The following ADAMTS6 variants were observed in gnomAD, a reference collection of about 807,000 sequenced individuals.
ADAMTS6 encodes the protein ADAM metallopeptidase with thrombospondin type 1 motif 6.
Under a neutral mutation model 144.3 loss-of-function variants are expected in ADAMTS6, and 23 were observed. The observed-to-expected ratio is 0.16, with a 90% CI of 0.11 to 0.23. The LOEUF is 0.23. Ranked by LOEUF, ADAMTS6 falls within the 10% of genes least tolerant of loss-of-function variation. The pLI is 1.00. For synonymous variants in ADAMTS6, 444 were observed against 457.5 expected (o/e 0.97, Z 0.38); for missense variants, 999 against 1,379.6 (o/e 0.72, Z 4.37).
At chr5:65,253,036 C>T (rs1580193158) in intron 14 of ADAMTS6, among the ~76,000 whole-genome samples, 1 of 151,800 alleles carries the variant, frequency 6.6e-6, no homozygotes, top group African/African-American at 2.4e-5. Flanking sequence ...TACAGGCATG[C>T]ACCATCATGC....
chr5:65,299,405 TA>T (rs1281200107), intron 10 of ADAMTS6, among the ~76,000 whole-genome samples: 3 of 152,302 alleles, frequency 2.0e-5, no homozygotes, highest in African/African-American at 2.4e-5. Flanking sequence ...TTTCTTAACA[TA>T]GTTATACCTG....
intron 7 of ADAMTS6, among the ~76,000 whole-genome samples, chr5:65,421,892 T>C (rs1756077398): frequency 1.3e-5 from 2 of 152,106 alleles, no homozygotes; most frequent in Non-Finnish European, 1.5e-5. Flanking sequence ...CTTATGAAAA[T>C]TGGCCTAGGC....
chr5:65,223,748 T>C (rs138472406), intron 18 of ADAMTS6, among the ~76,000 whole-genome samples: 6 of 152,312 alleles, frequency 3.9e-5, no homozygotes, highest in African/African-American at 1.2e-4. Flanking sequence ...TCTTAGCTAT[T>C]GTGAATAATG....
At chr5:65,202,376 T>A (rs1387640794) in intron 20 of ADAMTS6, among the ~76,000 whole-genome samples, 1 of 152,200 alleles carries the variant, frequency 6.6e-6, no homozygotes, top group Non-Finnish European at 1.5e-5. Context: ...CTGGAGAGAA[T>A]TCCTATTACT....
chr5:65,157,014 A>G (rs1561229504), intron 24 of ADAMTS6, among the ~76,000 whole-genome samples: 1 of 152,346 alleles, frequency 6.6e-6, no homozygotes, highest in East Asian at 1.9e-4. Context: ...TTCTGGTGGG[A>G]ATGACTTTAC....
chr5:65,155,968 A>C (rs1314085629), intron 24 of ADAMTS6, among the ~76,000 whole-genome samples: 1 of 152,218 alleles, frequency 6.6e-6, no homozygotes, highest in Non-Finnish European at 1.5e-5. Context: ...TTGTCACTAT[A>C]TATTCCTCCT....
chr5:65,409,243 A>C (rs1754843888), intron 7 of ADAMTS6, among the ~76,000 whole-genome samples: 1 of 152,226 alleles, frequency 6.6e-6, no homozygotes. Context: ...CAAAACTGAT[A>C]GACCGCTAGC....
At chr5:65,300,632 T>A (rs1743268932) in intron 9 of ADAMTS6, among the ~76,000 whole-genome samples, 1 of 151,434 alleles carries the variant, frequency 6.6e-6, no homozygotes, top group Admixed American at 6.6e-5. Flanking sequence ...CTTTTTCTTT[T>A]TCTTTCTTTT....
At chr5:65,397,752 T>C (rs192250656) in intron 7 of ADAMTS6, among the ~76,000 whole-genome samples, 18 of 151,714 alleles carry the variant, frequency 1.2e-4, no homozygotes, top group Admixed American at 1.2e-3. Flanking sequence ...TGGCACATGC[T>C]TGTAGTCCCA....
At chr5:65,480,944 A>C (rs185370616) in intron 1 of ADAMTS6, among the ~76,000 whole-genome samples, 1 of 152,250 alleles carries the variant, frequency 6.6e-6, no homozygotes. Flanking sequence ...TACAAAATGC[A>C]TAAGACTTTT....
At chr5:65,426,203 T>C (rs1306731122) in intron 7 of ADAMTS6, among the ~76,000 whole-genome samples, 1 of 148,558 alleles carries the variant, frequency 6.7e-6, no homozygotes. Flanking sequence ...CCTGCCACCA[T>C]GCCTGGCTAA....
intron 7 of ADAMTS6, among the ~76,000 whole-genome samples, chr5:65,431,189 G>T (rs905583550): frequency 6.6e-6 from 1 of 151,832 alleles, no homozygotes; most frequent in Admixed American, 6.6e-5. Flanking sequence ...CAGTCTTTCC[G>T]CTGCAGCCAT....
chr5:65,478,421 T>G (rs1440954254), intron 1 of ADAMTS6, among the ~76,000 whole-genome samples: 2 of 152,250 alleles, frequency 1.3e-5, no homozygotes, highest in African/African-American at 4.8e-5. Flanking sequence ...CACAAAGGCT[T>G]TGAGTCCTGG....
intron 10 of ADAMTS6, among the ~76,000 whole-genome samples, chr5:65,292,255 G>C (rs1045577044): frequency 6.6e-6 from 1 of 152,084 alleles, no homozygotes; most frequent in Non-Finnish European, 1.5e-5. Context: ...TATTTAGTCA[G>C]TGTGCATAAA....
chr5:65,151,897 A>C lies in ADAMTS6; in HGVS notation c.3293T>G (p.Phe1098Cys), dbSNP rs1319729121. The change falls in exon 25 of 25, where the codon TTC becomes TGC. Residue 1098 changes from phenylalanine (F) to cysteine (C), a missense_variant. Around this residue, in one of 3 missense-constraint regions of ADAMTS6, gnomAD observed 619 missense variants for 837.0 expected, o/e 0.74. Transcript: ENST00000381055. ...KVAYCPLVLK[F>C]KFCSRAYFRQ... The stretch of plus-strand genomic sequence containing the variant: ...GAAGTATGCTCGACTGCAGAACTTG[A>C]ACTTCAGCACCAGTGGGCAATAAGC... 1.2e-6 allele frequency: 2 copies of C among 1,613,826 alleles called. No individual in the cohort carries two copies. The highest frequency in any genetic ancestry group is 1.7e-6 in the Non-Finnish European group (2 of 1,179,844).
intron 14 of ADAMTS6, among the ~76,000 whole-genome samples, chr5:65,249,644 AG>A (rs1478937503): frequency 1.3e-5 from 2 of 152,104 alleles, no homozygotes; most frequent in Admixed American, 1.3e-4. Context: ...CTTTCTTCTG[AG>A]GAGGCAAGAA....
intron 11 of ADAMTS6, among the ~76,000 whole-genome samples, chr5:65,275,359 GAAAGAAA>G (rs1222074897): frequency 4.3e-4 from 14 of 32,796 alleles, no homozygotes; most frequent in African/African-American, 1.6e-3. Context: ...AGAAGAGAAA[GAAAGAAA>G]GAAAGAAAGA....
Position 65,215,496 on chromosome 5 carries a change from CA to C in ADAMTS6, c.2273-10del. 6.3e-7 allele frequency: 1 copy of C among 1,597,870 alleles called. No individual in the cohort carries two copies. Among genetic ancestry groups the C allele is most frequent in the Non-Finnish European group, 8.5e-7 (1 of 1,174,056 alleles). ...TCCTTCAGATTTTAAAGCTAGAAAA[CA>C]AATCACAATTCACCTAAAAATGTGA... On this transcript the variant is annotated splice_polypyrimidine_tract_variant and intron_variant, in intron 18 of 24. Transcript: ENST00000381055.
At chr5:65,349,330 G>A (rs1748631538) in intron 7 of ADAMTS6, among the ~76,000 whole-genome samples, 1 of 151,536 alleles carries the variant, frequency 6.6e-6, no homozygotes, top group Non-Finnish European at 1.5e-5. Context: ...TTTGAAAACT[G>A]GACTTCATAA....
Sources: allele counts gnomAD v4.1 joint callset (sites outside exome capture counted in the v4.1 genomes callset), GRCh38; gene constraint gnomAD v4.1.1; regional missense constraint gnomAD v4.1.1; transcripts MANE v1.5; gene names NCBI Gene and HGNC (gene_info 2026-07-23, HGNC 2026-07-21).